The following CD96 variants were observed in gnomAD, a reference collection of about 807,000 sequenced individuals.
The protein encoded by CD96 is T-cell surface protein tactile.
CD96 carries 70 observed loss-of-function variants against 71.3 expected under a neutral mutation model. The observed-to-expected ratio is 0.98, with a 90% CI of 0.81 to 1.20. The LOEUF is 1.20. Among genes scored for constraint, CD96 ranks in the 50% most tolerant of loss-of-function variants. CD96 has a pLI of 0.00. For synonymous variants in CD96, 248 were observed against 233.0 expected (o/e 1.06, Z -0.59); for missense variants, 742 against 677.5 (o/e 1.10, Z -1.06).
At chr3:111,610,470 C>A (rs372507259) in intron 8 of CD96, among the ~76,000 whole-genome samples, 17 of 152,192 alleles carry the variant, frequency 1.1e-4, no homozygotes, top group African/African-American at 3.6e-4. Flanking sequence ...TACGAAGCTG[C>A]ATGTCTGGCT....
At chr3:111,585,915 C>T (rs1029350258) in intron 5 of CD96, among the ~76,000 whole-genome samples, 2 of 152,288 alleles carry the variant, frequency 1.3e-5, no homozygotes, top group Middle Eastern at 3.4e-3. Flanking sequence ...TTAACTTCTT[C>T]TGGGTGGTAG....
intron 12 of CD96, among the ~76,000 whole-genome samples, chr3:111,641,549 G>T (rs1383183811): frequency 6.6e-6 from 1 of 152,118 alleles, no homozygotes; most frequent in East Asian, 1.9e-4. Flanking sequence ...AAATAATAGT[G>T]GGGGACTTCA....
chr3:111,648,467 G>T (rs1489868471), intron 13 of CD96, among the ~76,000 whole-genome samples: 1 of 152,116 alleles, frequency 6.6e-6, no homozygotes, highest in South Asian at 2.1e-4. Context: ...AGAAATTCTG[G>T]ATTATTTTCC....
chr3:111,625,832 GA>G (rs1559764190), intron 10 of CD96, among the ~76,000 whole-genome samples: 1 of 151,988 alleles, frequency 6.6e-6, no homozygotes, highest in Non-Finnish European at 1.5e-5. Flanking sequence ...ATAATCTGGG[GA>G]ACATATTTGC....
At position 111,599,070 on chromosome 3, in the gene CD96, G is replaced by C. The variant is rs190315622; in HGVS notation, c.898+860G>C. Among the ~76,000 whole-genome samples, 1,225 of 152,126 alleles carry C rather than the reference G, an allele frequency of 8.1e-3. 18 individuals carry two copies. Among genetic ancestry groups the C allele is most frequent in the African/African-American group, 0.028 (1,173 of 41,488 alleles). On this transcript the variant is annotated intron_variant, in intron 6 of 13. Coordinates refer to ENST00000352690, the MANE Select transcript of CD96 (RefSeq NM_005816.5). Reference sequence around the variant, plus strand: ...TGCAAGCTCCGCCTCCCGGGTTCACGCCATTCTCCTGCCTCAGCCTCCCGA... The same window carrying C: ...TGCAAGCTCCGCCTCCCGGGTTCACCCCATTCTCCTGCCTCAGCCTCCCGA...
Position 111,658,246 on chromosome 3 carries a change from G to A in CD96, c.*53-7281G>A, listed in dbSNP as rs142738859. Among the ~76,000 whole-genome samples, 14 of 152,192 alleles carry A rather than the reference G, an allele frequency of 9.2e-5. No homozygotes were observed. In the East Asian group the frequency reaches 1.9e-3, roughly 21 times the overall value. ...ATACATCTAGGAAAATTTGACTATC[G>A]ATATAGTTAAGTATATTAATGAGTT... On this transcript the variant is annotated intron_variant and NMD_transcript_variant, in intron 14 of 14. Transcript: ENST00000494798.
At chr3:111,573,676 T>C (rs1018156961) in intron 3 of CD96, among the ~76,000 whole-genome samples, 1 of 152,224 alleles carries the variant, frequency 6.6e-6, no homozygotes, top group East Asian at 1.9e-4. Context: ...ATTCAAACAA[T>C]TCAATATTAG....
At chr3:111,562,760 G>A (rs764829876) in intron 2 of CD96, among the ~76,000 whole-genome samples, 5 of 152,114 alleles carry the variant, frequency 3.3e-5, no homozygotes, top group Admixed American at 6.5e-5. Context: ...ATTTTGCTAC[G>A]CTCTTTTGGG....
intron 8 of CD96, among the ~76,000 whole-genome samples, chr3:111,611,986 G>A (rs946727086): frequency 2.2e-4 from 33 of 152,166 alleles, no homozygotes; most frequent in African/African-American, 6.0e-4. Context: ...TGATGAGGCC[G>A]ATTCAAATGT....
chr3:111,562,443 CT>C (rs1935498972), intron 2 of CD96, among the ~76,000 whole-genome samples: 1 of 151,944 alleles, frequency 6.6e-6, no homozygotes, highest in Admixed American at 6.6e-5. Flanking sequence ...TATATTATGT[CT>C]TATTTAGGTT....
intron 12 of CD96, among the ~76,000 whole-genome samples, chr3:111,644,604 C>T (rs1469418341): frequency 1.3e-5 from 2 of 152,082 alleles, no homozygotes; most frequent in Non-Finnish European, 2.9e-5. Flanking sequence ...AGAAAACCTT[C>T]ACAATCTATA....
intron 13 of CD96, 112 bp downstream of exon 13, chr3:111,647,778 T>C (rs1243644645): frequency 1.2e-6 from 1 of 802,904 alleles, no homozygotes; most frequent in Admixed American, 2.0e-5. Context: ...AATGGGGAAA[T>C]AATGCTCACA....
chr3:111,594,326 C>A, intron 5 of CD96: 1 of 1,241,104 alleles, frequency 8.1e-7, no homozygotes, highest in Middle Eastern at 2.0e-4. Flanking sequence ...ACAATAATGG[C>A]CAAAGTCTGG....
rs370544859 is a variant in CD96 at position 111,647,596 on chromosome 3, G to C, written c.1531G>C (p.Ala511Pro). 11 of 1,611,540 alleles carry C rather than the reference G, an allele frequency of 6.8e-6. No homozygotes were observed. In the African/African-American group the frequency reaches 1.5e-4, roughly 22 times the overall value. ...AATGTCCTGGCCAGTGATTGTAGCA[G>C]CTTTACTCTTTTGCTGCATGATATT... ...DGMSWPVIVA[A>P]LLFCCMILFG... Residue 511 changes from alanine (A) to proline (P), a missense_variant, in exon 13 of 14, where the codon GCT becomes CCT. By Grantham distance (27) the Ala-to-Pro change is conservative. Coordinates refer to ENST00000352690, the MANE Select transcript of CD96 (RefSeq NM_005816.5).
At chr3:111,560,100 G>T (rs1449763736) in intron 2 of CD96, among the ~76,000 whole-genome samples, 1 of 148,510 alleles carries the variant, frequency 6.7e-6, no homozygotes, top group South Asian at 2.3e-4. Flanking sequence ...GCCTATATGT[G>T]TCTCTGCACG....
intron 3 of CD96, among the ~76,000 whole-genome samples, chr3:111,571,268 G>A (rs932784523): frequency 6.8e-6 from 1 of 147,720 alleles, no homozygotes; most frequent in African/African-American, 2.5e-5. Flanking sequence ...ATCTAGTATA[G>A]AGTCTAGAGC....
At chr3:111,648,637 A>G (rs1939942516) in intron 13 of CD96, among the ~76,000 whole-genome samples, 1 of 152,252 alleles carries the variant, frequency 6.6e-6, no homozygotes, top group Non-Finnish European at 1.5e-5. Flanking sequence ...AGAGAGCTTT[A>G]TATTAAATGA....
chr3:111,637,096 C>T lies in CD96; in HGVS notation c.1322-100C>T. The T allele has an allele frequency of 8.2e-6, 6 of 733,342 alleles. No homozygotes were observed. The South Asian group carries it at 8.9e-5, about 11-fold the overall frequency. The allele number at this position is 733,342 out of a possible 1,614,324, so 45.4% of individuals were successfully genotyped here. ...GTTTAATGATTTTGCTTTATGTACT[C>T]ATTAATATCCTTTTTTATAATTATT... On this transcript the variant is annotated intron_variant, in intron 10 of 13. Transcript: ENST00000352690.
chr3:111,589,517 T>C (rs1324380096), intron 5 of CD96, among the ~76,000 whole-genome samples: 1 of 152,252 alleles, frequency 6.6e-6, no homozygotes, highest in African/African-American at 2.4e-5. Context: ...GGACATGGCT[T>C]GTCTATGGAT....
Sources: allele counts gnomAD v4.1 joint callset (sites outside exome capture counted in the v4.1 genomes callset), GRCh38; gene constraint gnomAD v4.1.1; transcripts MANE v1.5; gene names NCBI Gene and HGNC (gene_info 2026-07-23, HGNC 2026-07-21).